ARB2A: variants seen among roughly 807,000 people sequenced by gnomAD.
The protein encoded by ARB2A is ARB2 cotranscriptional regulator A.
the ARB2A span, among the ~76,000 whole-genome samples, chr5:93,937,073 C>T: frequency 6.6e-6 from 1 of 151,512 alleles, no homozygotes; most frequent in Non-Finnish European, 1.5e-5. Flanking sequence ...CAGGGTTTCA[C>T]TGTGTCAGCC....
the ARB2A span, among the ~76,000 whole-genome samples, chr5:93,876,699 A>ATTT: frequency 6.6e-6 from 1 of 152,108 alleles, no homozygotes; most frequent in African/African-American, 2.4e-5. Flanking sequence ...GGAAAATAAA[A>ATTT]TAGTTTCAGA....
At chr5:93,620,572 G>A in the ARB2A span, 1 of 159,308 alleles carries the variant, frequency 6.3e-6, no homozygotes, top group South Asian at 2.0e-4. Flanking sequence ...CTCCAGTTGA[G>A]AGCGGGGAAA....
At chr5:93,825,770 G>A in the ARB2A span, among the ~76,000 whole-genome samples, 1 of 151,888 alleles carries the variant, frequency 6.6e-6, no homozygotes, top group Non-Finnish European at 1.5e-5. Flanking sequence ...CTGATCTTTT[G>A]ATAAAACAAT....
the ARB2A span, chr5:93,741,220 G>T: frequency 1.2e-6 from 2 of 1,613,840 alleles, no homozygotes; most frequent in South Asian, 1.1e-5. Flanking sequence ...GTCCTCTGGC[G>T]GCGGCAACTT....
the ARB2A span, among the ~76,000 whole-genome samples, chr5:93,809,089 C>A: frequency 2.0e-5 from 3 of 151,910 alleles, no homozygotes; most frequent in Non-Finnish European, 2.9e-5. Flanking sequence ...TTACATGATT[C>A]TTCTTTTAGC....
chr5:94,079,002 C>T, the ARB2A span, among the ~76,000 whole-genome samples: 1 of 152,066 alleles, frequency 6.6e-6, no homozygotes, highest in Non-Finnish European at 1.5e-5. Flanking sequence ...CTAATTTGTG[C>T]TCAAACTGCC....
the ARB2A span, among the ~76,000 whole-genome samples, chr5:93,814,939 G>A: frequency 6.6e-6 from 1 of 152,184 alleles, no homozygotes; most frequent in Non-Finnish European, 1.5e-5. Context: ...CTGGGTTCAT[G>A]CAATCCTCCT....
chr5:93,918,387 AAAGT>A, the ARB2A span, among the ~76,000 whole-genome samples: 1 of 152,036 alleles, frequency 6.6e-6, no homozygotes, highest in Non-Finnish European at 1.5e-5. Flanking sequence ...TTACATTCAT[AAAGT>A]AAGTGGGAAA....
the ARB2A span, among the ~76,000 whole-genome samples, chr5:93,791,336 T>G: frequency 6.6e-6 from 1 of 152,326 alleles, no homozygotes; most frequent in African/African-American, 2.4e-5. Flanking sequence ...TCATCGTATA[T>G]ATAACACGAT....
the ARB2A span, among the ~76,000 whole-genome samples, chr5:93,783,258 T>C: frequency 1.3e-5 from 2 of 152,122 alleles, no homozygotes; most frequent in South Asian, 4.1e-4. Flanking sequence ...TATATGGTCA[T>C]CAAACACCTA....
At chr5:93,969,179 T>C in the ARB2A span, among the ~76,000 whole-genome samples, 1 of 151,952 alleles carries the variant, frequency 6.6e-6, no homozygotes, top group Non-Finnish European at 1.5e-5. Flanking sequence ...TATTTTATTA[T>C]TCTTATTTGA....
chr5:94,007,877 CT>C, the ARB2A span, among the ~76,000 whole-genome samples: 4 of 152,156 alleles, frequency 2.6e-5, no homozygotes, highest in African/African-American at 7.2e-5. Flanking sequence ...CAGTACCCCC[CT>C]GCAACTGTGT....
chr5:93,887,918 T>C, the ARB2A span, among the ~76,000 whole-genome samples: 1 of 151,886 alleles, frequency 6.6e-6, no homozygotes, highest in Non-Finnish European at 1.5e-5. Flanking sequence ...GAAGATATAA[T>C]TAAAATGTTT....
chr5:93,960,594 A>G, the ARB2A span, among the ~76,000 whole-genome samples: 1 of 152,306 alleles, frequency 6.6e-6, no homozygotes, highest in South Asian at 2.1e-4. Flanking sequence ...AAAAACAATA[A>G]ACTTTTGGAA....
At chr5:93,838,364 G>C in the ARB2A span, among the ~76,000 whole-genome samples, 9 of 152,198 alleles carry the variant, frequency 5.9e-5, no homozygotes, top group South Asian at 1.9e-3. Flanking sequence ...ATATGTATCT[G>C]TTTTTGTATC....
At chr5:93,928,272 A>T in the ARB2A span, among the ~76,000 whole-genome samples, 2 of 152,140 alleles carry the variant, frequency 1.3e-5, no homozygotes. Flanking sequence ...TCACACTGAG[A>T]TTTCATTAGT....
the ARB2A span, among the ~76,000 whole-genome samples, chr5:94,043,511 G>A: frequency 2.6e-5 from 4 of 152,138 alleles, no homozygotes; most frequent in Admixed American, 6.5e-5. Flanking sequence ...GGACACAACT[G>A]GAAAAACTGG....
chr5:93,725,931 G>T, the ARB2A span, among the ~76,000 whole-genome samples: 3 of 152,016 alleles, frequency 2.0e-5, no homozygotes, highest in African/African-American at 7.2e-5. Context: ...GAGATTACAG[G>T]TTCTGAATGA....
the ARB2A span, among the ~76,000 whole-genome samples, chr5:93,766,471 A>G: frequency 3.3e-5 from 5 of 152,196 alleles, no homozygotes; most frequent in Admixed American, 2.0e-4. Context: ...GAGAAATGCA[A>G]ATCAAAACCA....
Sources: gnomAD v4.1 joint callset for allele counts (sites outside exome capture counted in the v4.1 genomes callset) on GRCh38, gnomAD v4.1.1 for gene constraint, MANE v1.5 for transcripts, NCBI Gene and HGNC (gene_info 2026-07-23, HGNC 2026-07-21) for gene names.